OLFM1: variants seen among roughly 807,000 people sequenced by gnomAD.
OLFM1 encodes the protein noelin.
OLFM1 carries 9 observed loss-of-function variants against 49.7 expected under a neutral mutation model. The observed-to-expected ratio is 0.18, with a 90% CI of 0.11 to 0.32. The LOEUF (loss-of-function observed/expected upper bound fraction) is 0.32. Ranked by LOEUF, OLFM1 falls within the 10% of genes least tolerant of loss-of-function variation. The probability of loss-of-function intolerance (pLI) is 1.00; values close to 1 mark genes in which losing one functional copy is unlikely to be tolerated. For synonymous variants in OLFM1, 240 were observed against 271.8 expected (o/e 0.88, Z 1.15); for missense variants, 369 against 661.8 (o/e 0.56, Z 4.85).
At chr9:135,090,470 T>C in intron 2 of OLFM1, 126 bp downstream of exon 2, 1 of 974,020 alleles carries the variant, frequency 1.0e-6, no homozygotes, top group Admixed American at 2.3e-5. Flanking sequence ...ATTTTGACTC[T>C]TTCCTGGTTT....
At chr9:135,076,425 G>C in intron 1 of OLFM1, 1 of 1,460,130 alleles carries the variant, frequency 6.8e-7, no homozygotes, top group Non-Finnish European at 9.0e-7. Flanking sequence ...TGCTGGTGTG[G>C]GGATCGTGGG....
intron 5 of OLFM1, among the ~76,000 whole-genome samples, chr9:135,118,707 C>T (rs947673230): frequency 1.4e-5 from 2 of 146,724 alleles, no homozygotes; most frequent in Admixed American, 1.4e-4. Context: ...TTTGGAAATG[C>T]TCACTGGGTC....
chr9:135,119,094 A>C lies in OLFM1; in HGVS notation c.784-410A>C, dbSNP rs570876651. ...TGCTCACTGGGTCTTTGGAGTGCTCACCGGGCCTTTGGAAGTGCTCACCGG... is the reference window on the plus strand; with the variant it reads ...TGCTCACTGGGTCTTTGGAGTGCTCCCCGGGCCTTTGGAAGTGCTCACCGG... On this transcript the variant is annotated intron_variant, in intron 5 of 5. Coordinates refer to ENST00000371793, the MANE Select transcript of OLFM1 (RefSeq NM_001282611.2). 7.6e-4 allele frequency among the ~76,000 whole-genome samples: 111 copies of C among 146,424 alleles called. 1 individual carries two copies. The highest frequency in any genetic ancestry group is 2.7e-3 in the African/African-American group (107 of 39,046).
In OLFM1 at chr9:135,119,607, A is replaced by ACCT; in HGVS notation, c.889_890insTCC (p.His296_Pro297insLeu). On this transcript the variant is annotated inframe_insertion, in exon 6 of 6. Transcript: ENST00000371793. ...AATTTCACCTCCCACCGTCTCCCCC[A>ACCT]CCCCTGGTCGGGCACGGGGCAGGTG... 6.2e-7 allele frequency: 1 copy of ACCT among 1,614,062 alleles called. No homozygotes were observed. Among genetic ancestry groups the ACCT allele is most frequent in the Non-Finnish European group, 8.5e-7 (1 of 1,180,012 alleles).
upstream of OLFM1, chr9:135,087,165 C>A (rs1432628066): frequency 7.5e-7 from 1 of 1,326,686 alleles, no homozygotes. Flanking sequence ...CCCGACGCCC[C>A]CCTGGCGCTG....
Position 135,106,870 on chromosome 9 carries a change from A to T in OLFM1, c.783+15A>T. The stretch of plus-strand genomic sequence containing the variant: ...GCGATAACCGGGTGAGTGTCCCCTT[A>T]TGTCATAGGGGGTCATTTGGGCAAG... On this transcript the variant is annotated intron_variant, in intron 5 of 5. Coordinates refer to ENST00000371793, the MANE Select transcript of OLFM1 (RefSeq NM_001282611.2). 6.3e-7 allele frequency: 1 copy of T among 1,588,424 alleles called. No homozygotes were observed. The highest frequency in any genetic ancestry group is 8.6e-7 in the Non-Finnish European group (1 of 1,165,612).
intron 2 of OLFM1, among the ~76,000 whole-genome samples, chr9:135,093,582 G>A (rs1382471541): frequency 6.6e-6 from 1 of 152,220 alleles, no homozygotes; most frequent in Non-Finnish European, 1.5e-5. Context: ...GTCTTTGTGT[G>A]TTGCTGGCCC....
intron 1 of OLFM1, among the ~76,000 whole-genome samples, chr9:135,089,224 T>A (rs1366388734): frequency 6.6e-6 from 1 of 152,210 alleles, no homozygotes; most frequent in Non-Finnish European, 1.5e-5. Flanking sequence ...GTCCCGATCT[T>A]CTGGGGTTGG....
At chr9:135,103,151 T>C (rs1830893697) in intron 4 of OLFM1, among the ~76,000 whole-genome samples, 1 of 152,186 alleles carries the variant, frequency 6.6e-6, no homozygotes, top group South Asian at 2.1e-4. Context: ...GGCCATTTCC[T>C]GAGCCTCCAA....
chr9:135,090,447 G>C, intron 2 of OLFM1, 103 bp downstream of exon 2: 1 of 1,216,786 alleles, frequency 8.2e-7, no homozygotes, highest in Non-Finnish European at 1.1e-6. Flanking sequence ...GGCTTGGCTA[G>C]CTTGCAGGCC....
chr9:135,105,476 A>G (rs1830929135), intron 4 of OLFM1, among the ~76,000 whole-genome samples: 1 of 152,140 alleles, frequency 6.6e-6, no homozygotes, highest in African/African-American at 2.4e-5. Flanking sequence ...GTGTGATGCC[A>G]GTAACAGGCC....
rs116667689 is a variant in OLFM1, at chr9:135,118,128, C to T, written c.784-1376C>T. Among the ~76,000 whole-genome samples the T allele has an allele frequency of 6.2e-3, 949 of 152,330 alleles. 10 individuals carry two copies. Among genetic ancestry groups the T allele is most frequent in the African/African-American group, 0.022 (915 of 41,576 alleles). ...CCTTCTCCTGAGGTCCAGGAAATTC[C>T]AAGTCGGGGAACAGCTTCCCGCCCA... On this transcript the variant is annotated intron_variant, in intron 5 of 5. Coordinates refer to ENST00000371793, the MANE Select transcript of OLFM1 (RefSeq NM_001282611.2).
intron 3 of OLFM1, among the ~76,000 whole-genome samples, chr9:135,097,605 C>A (rs113268478): frequency 6.6e-6 from 1 of 152,192 alleles, no homozygotes; most frequent in Non-Finnish European, 1.5e-5. Context: ...AAAATTCCAA[C>A]AGAAATTGTG....
chr9:135,091,616 G>C (rs1271119858), intron 2 of OLFM1, among the ~76,000 whole-genome samples: 2 of 50,650 alleles, frequency 3.9e-5, no homozygotes, highest in Admixed American at 2.0e-4. Flanking sequence ...TAGTCACACA[G>C]TCACACACAC....
At chr9:135,107,570 T>C (rs1830963001) in intron 5 of OLFM1, among the ~76,000 whole-genome samples, 1 of 151,990 alleles carries the variant, frequency 6.6e-6, no homozygotes, top group South Asian at 2.1e-4. Context: ...CATGGGCTTG[T>C]AGACTCCCTC....
chr9:135,091,489 T>TCA (rs201470727), intron 2 of OLFM1, among the ~76,000 whole-genome samples: 15 of 103,210 alleles, frequency 1.5e-4, no homozygotes, highest in African/African-American at 5.3e-4. Context: ...TCACACATAG[T>TCA]CACACACACA....
chr9:135,087,053 A>G (rs866577049), upstream of OLFM1, among the ~76,000 whole-genome samples: 1 of 152,204 alleles, frequency 6.6e-6, no homozygotes, highest in South Asian at 2.1e-4. Flanking sequence ...CTTGCTGTGC[A>G]GGTGTCAGGA....
In OLFM1 at chr9:135,120,097, G is replaced by A. The variant is rs1264059806; in HGVS notation, c.1377G>A (p.Arg459=). Residue 459 remains arginine, a synonymous_variant, in exon 6 of 6, where the codon CGG becomes CGA. Transcript: ENST00000371793. ...ISMLDYNPKD[R]ALYAWNNGHQ... ...TGCTGGACTACAACCCCAAGGACCG[G>A]GCCCTGTATGCCTGGAACAACGGCC... The A allele has an allele frequency of 6.2e-7, 1 of 1,614,002 alleles. No individual in the cohort carries two copies. Among genetic ancestry groups the A allele is most frequent in the Non-Finnish European group, 8.5e-7 (1 of 1,180,014 alleles).
At chr9:135,076,202 T>C (rs1277146997) in intron 1 of OLFM1, 1 of 1,550,572 alleles carries the variant, frequency 6.4e-7, no homozygotes, top group Admixed American at 2.0e-5. Flanking sequence ...ACCTTAGTCC[T>C]ACCCCCAACA....
Sources: gnomAD v4.1 joint callset for allele counts (sites outside exome capture counted in the v4.1 genomes callset) on GRCh38, gnomAD v4.1.1 for gene constraint, MANE v1.5 for transcripts, NCBI Gene and HGNC (gene_info 2026-07-23, HGNC 2026-07-21) for gene names.